Variants in THSD7A observed in about 807,000 individuals in gnomAD.
THSD7A encodes thrombospondin type 1 domain containing 7A.
Under a neutral mutation model 231.3 loss-of-function variants are expected in THSD7A, and 96 were observed. The observed-to-expected ratio is 0.41, with a 90% CI of 0.35 to 0.49. The LOEUF (loss-of-function observed/expected upper bound fraction) is 0.49, where lower values mean the gene tolerates loss of function less well. THSD7A is among the 20% of genes least tolerant of loss of function. THSD7A has a pLI of 0.05. For missense variants in THSD7A, 2,290 were observed against 2,070.2 expected (o/e 1.11, Z -2.06); for synonymous variants, 940 against 743.3 (o/e 1.26, Z -4.30).
intron 9 of THSD7A, among the ~76,000 whole-genome samples, chr7:11,465,783 A>G (rs574514528): frequency 6.6e-6 from 1 of 152,300 alleles, no homozygotes; most frequent in Admixed American, 6.5e-5. Context: ...GCAGTGAGAA[A>G]AAAAAGGAGC....
chr7:11,437,130 C>A (rs1168338079), intron 13 of THSD7A, among the ~76,000 whole-genome samples: 1 of 152,066 alleles, frequency 6.6e-6, no homozygotes, highest in East Asian at 1.9e-4. Context: ...TGTTTGACAG[C>A]CTGGCCTGAG....
At chr7:11,651,397 C>T (rs559993937) in intron 1 of THSD7A, among the ~76,000 whole-genome samples, 3 of 151,842 alleles carry the variant, frequency 2.0e-5, no homozygotes, top group Non-Finnish European at 4.4e-5. Flanking sequence ...GCATTTAGTG[C>T]CACTGAATTT....
chr7:11,750,351 G>A (rs886576548), intron 1 of THSD7A, among the ~76,000 whole-genome samples: 1 of 151,892 alleles, frequency 6.6e-6, no homozygotes, highest in African/African-American at 2.4e-5. Flanking sequence ...ACATTATTGT[G>A]CAAGCAGAGG....
chr7:11,719,374 G>C (rs889434421), intron 1 of THSD7A, among the ~76,000 whole-genome samples: 4 of 151,572 alleles, frequency 2.6e-5, no homozygotes, highest in Non-Finnish European at 2.9e-5. Flanking sequence ...TTTCTATATT[G>C]TCTGTAGGTC....
chr7:11,558,801 A>G (rs1391817515), intron 4 of THSD7A, among the ~76,000 whole-genome samples: 1 of 152,174 alleles, frequency 6.6e-6, no homozygotes, highest in Non-Finnish European at 1.5e-5. Context: ...CTATGCCTTA[A>G]TCCTTGGAAC....
At chr7:11,585,241 C>A (rs1037387036) in intron 4 of THSD7A, among the ~76,000 whole-genome samples, 1 of 152,138 alleles carries the variant, frequency 6.6e-6, no homozygotes, top group Non-Finnish European at 1.5e-5. Flanking sequence ...ACCTTTTACC[C>A]CAACAGCTGA....
chr7:11,525,867 C>T (rs908537375), intron 6 of THSD7A, among the ~76,000 whole-genome samples: 4 of 152,084 alleles, frequency 2.6e-5, no homozygotes, highest in Non-Finnish European at 4.4e-5. Context: ...TATACATGTC[C>T]ACATTCTAAA....
intron 1 of THSD7A, among the ~76,000 whole-genome samples, chr7:11,826,986 T>C (rs1785051368): frequency 6.6e-6 from 1 of 151,966 alleles, no homozygotes; most frequent in South Asian, 2.1e-4. Flanking sequence ...GCTGAAAATT[T>C]TAACTTTTAT....
chr7:11,629,980 G>A (rs1454269371), intron 2 of THSD7A, among the ~76,000 whole-genome samples: 2 of 152,098 alleles, frequency 1.3e-5, no homozygotes, highest in African/African-American at 2.4e-5. Flanking sequence ...CCCAGAAAGT[G>A]TAAATGACTT....
At chr7:11,799,054 C>T (rs1784206986) in intron 1 of THSD7A, among the ~76,000 whole-genome samples, 1 of 152,012 alleles carries the variant, frequency 6.6e-6, no homozygotes, top group Non-Finnish European at 1.5e-5. Flanking sequence ...TCCTGATTAG[C>T]TGGGACTACA....
chr7:11,475,106 T>C (rs1301684419), intron 7 of THSD7A, among the ~76,000 whole-genome samples: 2 of 152,124 alleles, frequency 1.3e-5, no homozygotes, highest in African/African-American at 4.8e-5. Flanking sequence ...AATTGGAGTG[T>C]AGAGTTCACA....
At chr7:11,468,955 A>G (rs922858684) in intron 9 of THSD7A, among the ~76,000 whole-genome samples, 2 of 152,170 alleles carry the variant, frequency 1.3e-5, no homozygotes, top group Non-Finnish European at 2.9e-5. Context: ...TCATGTTTCA[A>G]CTATATAAAA....
intron 9 of THSD7A, among the ~76,000 whole-genome samples, chr7:11,468,361 G>T (rs1583798313): frequency 6.6e-6 from 1 of 150,930 alleles, no homozygotes. Flanking sequence ...CAATTCTACT[G>T]CCAACTGTGA....
At position 11,831,832 on chromosome 7, in the gene THSD7A, GC is replaced by G; in HGVS notation, c.114del (p.Leu39CysfsTer97). 1 of 1,425,366 alleles carries G rather than the reference GC, an allele frequency of 7.0e-7. No individual in the cohort carries two copies. The highest frequency in any genetic ancestry group is 1.6e-5 in the South Asian group (1 of 60,974). 88.3% of individuals were successfully genotyped at this position (1,425,366 alleles called of 1,614,324 possible). A position where few individuals can be genotyped will look rare whatever the true frequency, so the allele number is the denominator to read the frequency against. ...LPLPLPLLLLLLLRPGAGRAA... is the reference protein window; with the variant it reads ...LPLPLPLLLLXLLRPGAGRAA... ...GCCCTGCCGGCGCCCGGGCGTAGCA[GC>G]AGCAGCAGGAGCAGCGGCAGCGGCA... On this transcript the variant is annotated frameshift_variant, in exon 1 of 28. Transcript: ENST00000423059. LOFTEE classifies it high-confidence loss of function. The surrounding 1 kb of genome is among the most constrained non-coding windows in gnomAD (Gnocchi z 5.0).
At chr7:11,594,130 C>T (rs1484905697) in intron 2 of THSD7A, among the ~76,000 whole-genome samples, 1 of 152,184 alleles carries the variant, frequency 6.6e-6, no homozygotes, top group South Asian at 2.1e-4. Flanking sequence ...TCTCAACCTA[C>T]ATCTTTCTCC....
At chr7:11,686,186 G>GTAGGTACCCAATGGATATCCCTTAA (rs1780045790) in intron 1 of THSD7A, among the ~76,000 whole-genome samples, 1 of 151,716 alleles carries the variant, frequency 6.6e-6, no homozygotes. Flanking sequence ...GATTCCCAAA[G>GTAGGTACCCAATGGATATCCCTTAA]GTGGGGAGAA....
In THSD7A at chr7:11,831,745, C is replaced by A; in HGVS notation, c.190+12G>T. Reference sequence around the variant, plus strand: ...TGTGAAGATGGGGAAAGGGTAACTCCGTCCCACTTACCAGTCTTCCACAGA... The same window carrying A: ...TGTGAAGATGGGGAAAGGGTAACTCAGTCCCACTTACCAGTCTTCCACAGA... On this transcript the variant is annotated intron_variant, in intron 1 of 27. Coordinates refer to ENST00000423059, the MANE Select transcript of THSD7A (RefSeq NM_015204.3). The surrounding 1 kb of genome is among the most constrained non-coding windows in gnomAD (Gnocchi z 5.0). The A allele has an allele frequency of 6.9e-7, 1 of 1,444,018 alleles. No homozygotes were observed. The highest frequency in any genetic ancestry group is 2.4e-5 in the Admixed American group (1 of 41,312). The allele number at this position is 1,444,018 out of a possible 1,614,324, so 89.5% of individuals were successfully genotyped here.
rs1783570230 is a variant in THSD7A at position 11,406,034 on chromosome 7, T to C, written c.4237+266A>G. On this transcript the variant is annotated intron_variant, in intron 22 of 27. Coordinates refer to ENST00000423059, the MANE Select transcript of THSD7A (RefSeq NM_015204.3). The surrounding 1 kb of genome is among the most constrained non-coding windows in gnomAD (Gnocchi z 4.7). The stretch of plus-strand genomic sequence containing the variant: ...CATAACTTTTCTGTGGAGCATGGGC[T>C]TAAGGCCTTAAATACCATCTCCTGC... 6.6e-6 allele frequency among the ~76,000 whole-genome samples: 1 copy of C among 152,172 alleles called. No individual in the cohort carries two copies. The highest frequency in any genetic ancestry group is 2.4e-5 in the African/African-American group (1 of 41,444).
At chr7:11,736,262 A>G (rs1312046394) in intron 1 of THSD7A, among the ~76,000 whole-genome samples, 1 of 152,026 alleles carries the variant, frequency 6.6e-6, no homozygotes, top group African/African-American at 2.4e-5. Flanking sequence ...GGTCCACATG[A>G]TAGGAGTAAG....
Sources: allele counts gnomAD v4.1 joint callset (sites outside exome capture counted in the v4.1 genomes callset), GRCh38; gene constraint gnomAD v4.1.1; non-coding constraint Gnocchi (gnomAD v3.1); transcripts MANE v1.5; gene names NCBI Gene and HGNC (gene_info 2026-07-23, HGNC 2026-07-21).